The following TRHDE variants were observed in gnomAD, a reference collection of about 807,000 sequenced individuals.
TRHDE encodes the protein thyrotropin-releasing hormone-degrading ectoenzyme.
A neutral mutation model predicts 125.7 loss-of-function variants in TRHDE; 72 were observed. That is an observed-to-expected ratio of 0.57 (90% CI 0.47 to 0.70). The LOEUF is 0.70. Ranked by LOEUF, TRHDE falls within the 30% of genes least tolerant of loss-of-function variation. TRHDE has a pLI of 0.00. For missense variants in TRHDE, 1,110 were observed against 1,327.1 expected (o/e 0.84, Z 2.54); for synonymous variants, 509 against 509.1 (o/e 1.00, Z 0.00).
intron 1 of TRHDE, among the ~76,000 whole-genome samples, chr12:72,100,129 T>G (rs918573362): frequency 2.6e-5 from 4 of 152,198 alleles, no homozygotes; most frequent in African/African-American, 9.6e-5. Context: ...GGTAAAAATC[T>G]AATTATATTA....
chr12:72,572,122 T>C (rs1870772660), intron 10 of TRHDE, among the ~76,000 whole-genome samples: 1 of 152,130 alleles, frequency 6.6e-6, no homozygotes, highest in Non-Finnish European at 1.5e-5. Flanking sequence ...TATCCTCATT[T>C]GATTTTCACA....
At chr12:72,321,181 G>A (rs1869073743) in intron 2 of TRHDE, among the ~76,000 whole-genome samples, 1 of 152,214 alleles carries the variant, frequency 6.6e-6, no homozygotes, top group South Asian at 2.1e-4. Flanking sequence ...TTTTACAAGA[G>A]CAAAATGGCA....
intron 15 of TRHDE, among the ~76,000 whole-genome samples, chr12:72,645,143 A>T (rs1382305696): frequency 6.6e-6 from 1 of 152,220 alleles, no homozygotes; most frequent in Non-Finnish European, 1.5e-5. Context: ...AAGTCTTCAA[A>T]AGTTGACCAT....
chr12:72,652,531 T>C lies in TRHDE; in HGVS notation c.2843+42T>C, dbSNP rs759115574. On this transcript the variant is annotated intron_variant, in intron 16 of 18. Coordinates refer to ENST00000261180, the MANE Select transcript of TRHDE (RefSeq NM_013381.3). ...TCTAAATGTGTTTCTCTAATGAAAG[T>C]ATTCTGTTAATCAAATTGCTCTGAA... is the stretch of plus-strand genomic sequence containing the variant. 6.1e-6 allele frequency: 9 copies of C among 1,485,198 alleles called. No homozygotes were observed. The African/African-American group carries it at 1.3e-4, about 21-fold the overall frequency. 92.0% of individuals were successfully genotyped at this position (1,485,198 alleles called of 1,614,324 possible).
At chr12:72,635,312 G>A (rs1435139037) in intron 15 of TRHDE, among the ~76,000 whole-genome samples, 1 of 152,190 alleles carries the variant, frequency 6.6e-6, no homozygotes, top group Non-Finnish European at 1.5e-5. Context: ...TTTGAGAAGT[G>A]TCTGTTCATG....
At chr12:72,190,025 C>T (rs1374119146) in intron 2 of TRHDE, among the ~76,000 whole-genome samples, 3 of 152,182 alleles carry the variant, frequency 2.0e-5, no homozygotes, top group African/African-American at 7.2e-5. Context: ...CCTTGAGAAA[C>T]TGCTCTTGGC....
intron 2 of TRHDE, among the ~76,000 whole-genome samples, chr12:72,259,014 T>C (rs1321950438): frequency 6.6e-6 from 1 of 152,178 alleles, no homozygotes; most frequent in East Asian, 1.9e-4. Context: ...ATGTTAACTT[T>C]TTCTCCCTTT....
intron 2 of TRHDE, among the ~76,000 whole-genome samples, chr12:72,238,272 C>CT (rs1878375406): frequency 3.1e-5 from 2 of 64,986 alleles, no homozygotes; most frequent in African/African-American, 1.3e-4. Context: ...TGGTCAGATC[C>CT]TTAATATATA....
chr12:72,426,837 G>T (rs1874207498), intron 3 of TRHDE, among the ~76,000 whole-genome samples: 1 of 151,888 alleles, frequency 6.6e-6, no homozygotes, highest in Admixed American at 6.6e-5. Context: ...GAAAATGACT[G>T]CTAATACTCC....
At chr12:72,126,891 C>T (rs894747769) in intron 2 of TRHDE, among the ~76,000 whole-genome samples, 6 of 152,002 alleles carry the variant, frequency 3.9e-5, no homozygotes, top group Non-Finnish European at 7.4e-5. Context: ...GCCAAAGAAA[C>T]GATCAACAGA....
chr12:72,150,311 AAG>A (rs1467376522), intron 2 of TRHDE, among the ~76,000 whole-genome samples: 1 of 152,174 alleles, frequency 6.6e-6, no homozygotes, highest in East Asian at 1.9e-4. Context: ...AGGAGCTGGT[AAG>A]AGAGAATTTT....
At chr12:72,298,380 T>C (rs1416740155) in intron 2 of TRHDE, among the ~76,000 whole-genome samples, 1 of 152,206 alleles carries the variant, frequency 6.6e-6, no homozygotes, top group Non-Finnish European at 1.5e-5. Flanking sequence ...TCCAGTTGTC[T>C]CTTAGATAAG....
At chr12:72,328,011 A>T (rs1869417782) in intron 2 of TRHDE, among the ~76,000 whole-genome samples, 1 of 152,086 alleles carries the variant, frequency 6.6e-6, no homozygotes, top group Non-Finnish European at 1.5e-5. Context: ...AGTCACTTGG[A>T]TTTTTGCATA....
At chr12:72,434,477 G>C (rs1162533792) in intron 3 of TRHDE, among the ~76,000 whole-genome samples, 2 of 151,650 alleles carry the variant, frequency 1.3e-5, no homozygotes, top group Non-Finnish European at 2.9e-5. Context: ...ATTTTCATCA[G>C]GTAAGTTTTG....
intron 3 of TRHDE, among the ~76,000 whole-genome samples, chr12:72,422,455 A>G (rs1873998998): frequency 6.6e-6 from 1 of 152,206 alleles, no homozygotes; most frequent in Non-Finnish European, 1.5e-5. Flanking sequence ...TATCTTTTCA[A>G]TTCTAGCGTG....
intron 2 of TRHDE, among the ~76,000 whole-genome samples, chr12:72,152,384 T>G (rs1386037456): frequency 6.6e-6 from 1 of 151,918 alleles, no homozygotes; most frequent in Non-Finnish European, 1.5e-5. Context: ...TGAATACCCT[T>G]TATTTCCTTC....
intron 2 of TRHDE, among the ~76,000 whole-genome samples, chr12:72,142,653 G>A (rs538967390): frequency 2.0e-5 from 3 of 152,040 alleles, no homozygotes; most frequent in Non-Finnish European, 4.4e-5. Flanking sequence ...GGCCCACCAT[G>A]GCCCCTACCC....
chr12:72,200,555 T>C (rs1365693407), intron 2 of TRHDE, among the ~76,000 whole-genome samples: 2 of 152,176 alleles, frequency 1.3e-5, no homozygotes, highest in Non-Finnish European at 2.9e-5. Context: ...GTGGCGAGTA[T>C]TGACTGTTGG....
chr12:72,348,926 GATATGGT>G (rs1459559004), intron 2 of TRHDE, among the ~76,000 whole-genome samples: 1 of 151,860 alleles, frequency 6.6e-6, no homozygotes, highest in Non-Finnish European at 1.5e-5. Context: ...TTTCCAGTAA[GATATGGT>G]ATATGGTAAG....
Sources: gnomAD v4.1 joint callset for allele counts (sites outside exome capture counted in the v4.1 genomes callset) on GRCh38, gnomAD v4.1.1 for gene constraint, MANE v1.5 for transcripts, NCBI Gene and HGNC (gene_info 2026-07-23, HGNC 2026-07-21) for gene names.